The following NUTM1 variants were observed in gnomAD, a reference collection of about 807,000 sequenced individuals.
NUTM1 encodes NUT family member 1.
A neutral mutation model predicts 88.7 loss-of-function variants in NUTM1; 39 were observed. The ratio of observed to expected loss-of-function variants is 0.44; its 90% confidence interval spans 0.34 to 0.57. NUTM1 has a LOEUF of 0.57. Among genes scored for constraint, NUTM1 ranks in the 20% least tolerant of loss-of-function variants. The pLI is 0.01. For synonymous variants in NUTM1, 494 were observed against 538.0 expected (o/e 0.92, Z 1.13); for missense variants, 1,350 against 1,414.5 (o/e 0.95, Z 0.73).
chr15:34,356,118 C>A lies in NUTM1; in HGVS notation c.2110C>A (p.Pro704Thr), dbSNP rs150522550. 16 of 1,613,306 alleles carry A rather than the reference C, an allele frequency of 9.9e-6. No individual in the cohort carries two copies. The highest frequency in any genetic ancestry group is 2.7e-5 in the African/African-American group (2 of 74,888). The change falls in exon 8 of 8, where the codon CCT (proline) becomes ACT (threonine). Residue 704 changes from proline to threonine, a missense_variant. By Grantham distance (38) the Pro-to-Thr change is conservative. This residue lies in a region of NUTM1 where 730 missense variants were observed against 728.8 expected (regional missense o/e 1.00). Coordinates refer to ENST00000537011, the MANE Select transcript of NUTM1 (RefSeq NM_001284292.2). ...TGGAGTGCTTCCTCAAGGGAAGGAG[C>A]CTTTAGCAGTGCCCTGGGAAGGCTC... ...GRGVLPQGKE[P>T]LAVPWEGSSG...
At chr15:34,346,923 A>G (rs1890603490) in intron 2 of NUTM1, among the ~76,000 whole-genome samples, 1 of 137,388 alleles carries the variant, frequency 7.3e-6, no homozygotes, top group African/African-American at 2.6e-5. Flanking sequence ...ACTTAGAGGC[A>G]GTGATGGCTT....
intron 4 of NUTM1, among the ~76,000 whole-genome samples, chr15:34,352,158 G>A (rs913488196): frequency 6.6e-6 from 1 of 152,072 alleles, no homozygotes; most frequent in Admixed American, 6.5e-5. Context: ...CAACAAGAGC[G>A]AAACTCTGTC....
Position 34,348,304 on chromosome 15 carries a change from G to A in NUTM1, c.436G>A (p.Ala146Thr), listed in dbSNP as rs1487752135. 1 of 1,614,124 alleles carries A rather than the reference G, an allele frequency of 6.2e-7. No individual in the cohort carries two copies. Among genetic ancestry groups the A allele is most frequent in the Non-Finnish European group, 8.5e-7 (1 of 1,180,050 alleles). The part of the protein sequence containing the change: ...ILTQTALNST[A>T]PGTPCGGLEG... ...TACTCAGACTGCCCTCAATTCGACT[G>A]CCCCGGGCACTCCCTGTGGAGGCCT... The change falls in exon 3 of 8, where the codon GCC (alanine) becomes ACC (threonine). Residue 146 changes from alanine (A) to threonine (T), a missense_variant. Transcript: ENST00000537011.
rs762124769 is a variant in NUTM1 at position 34,356,790 on chromosome 15, C to T, written c.2782C>T (p.Pro928Ser). 5.0e-6 allele frequency: 8 copies of T among 1,611,792 alleles called. No homozygotes were observed. The East Asian group carries it at 1.1e-4, about 22-fold the overall frequency. Reference protein sequence around the residue: ...SFSPLLETIEPVNILDVKDDC... With the variant: ...SFSPLLETIESVNILDVKDDC... ...TTCTCCTCTGTTGGAAACCATAGAA[C>T]CTGTCAACATACTAGATGTTAAAGA... Residue 928 changes from proline (P) to serine (S), a missense_variant, in exon 8 of 8, where the codon CCT becomes TCT. Around this residue, in one of 5 missense-constraint regions of NUTM1, gnomAD observed 730 missense variants for 728.8 expected, o/e 1.00. Coordinates refer to ENST00000537011, the MANE Select transcript of NUTM1 (RefSeq NM_001284292.2).
chr15:34,356,434 C>T lies in NUTM1; in HGVS notation c.2426C>T (p.Thr809Met), dbSNP rs16959028. The T allele has an allele frequency of 1.5e-3, 2,395 of 1,610,314 alleles. 35 individuals are homozygous for T. In the East Asian group the frequency reaches 0.039, roughly 26 times the overall value. The change falls in exon 8 of 8, where the codon ACG becomes ATG. Residue 809 changes from threonine to methionine, a missense_variant. By Grantham distance (81) the Thr-to-Met change is moderately conservative. Around this residue, in one of 5 missense-constraint regions of NUTM1, gnomAD observed 730 missense variants for 728.8 expected, o/e 1.00. Coordinates refer to ENST00000537011, the MANE Select transcript of NUTM1 (RefSeq NM_001284292.2). ...GPGETLVPGD[T>M]ESSVIPCGGT... The stretch of plus-strand genomic sequence containing the variant: ...GGAGAAACCCTAGTACCTGGGGATA[C>T]GGAGAGCAGTGTGATTCCCTGTGGA...
In NUTM1 at chr15:34,354,812, C is replaced by T. The variant is rs552413974; in HGVS notation, c.1362+80C>T. The T allele has an allele frequency of 1.5e-3, 2,091 of 1,405,708 alleles. 17 individuals carry two copies. Among genetic ancestry groups the T allele is most frequent in the South Asian group, 4.4e-3 (376 of 84,562 alleles). The allele number at this position is 1,405,708 out of a possible 1,614,324, so 87.1% of individuals were successfully genotyped here. ...GGGAACTAATGATCTGGGGTTTGTC[C>T]AATGCAGTAGGACTTAGGTTTTATT... On this transcript the variant is annotated intron_variant, in intron 6 of 7. Coordinates refer to ENST00000537011, the MANE Select transcript of NUTM1 (RefSeq NM_001284292.2).
chr15:34,350,475 C>G (rs1890684293), intron 3 of NUTM1, among the ~76,000 whole-genome samples: 1 of 152,126 alleles, frequency 6.6e-6, no homozygotes, highest in African/African-American at 2.4e-5. Flanking sequence ...GAAGAATTGT[C>G]TGTTTGATTT....
rs1566890542 is a variant in NUTM1, at chr15:34,355,601, T to TG, written c.1597dup (p.Asp533GlyfsTer42). 1 of 1,613,978 alleles carries TG rather than the reference T, an allele frequency of 6.2e-7. No individual in the cohort carries two copies. Among genetic ancestry groups the TG allele is most frequent in the Admixed American group, 1.7e-5 (1 of 59,966 alleles). Reference sequence around the variant, plus strand: ...CTTCTGGTTCTGTTGAGGATGAAGATGGGGATGGGCGGCTTCGGCCCTCAC... The same window carrying TG: ...CTTCTGGTTCTGTTGAGGATGAAGATGGGGGATGGGCGGCTTCGGCCCTCAC... On this transcript the variant is annotated frameshift_variant, in exon 8 of 8. Transcript: ENST00000537011. LOFTEE classifies it high-confidence loss of function. This position sits in a 1 kb window ranked among gnomAD's most constrained non-coding sequence, Gnocchi z 4.3.
At position 34,355,467 on chromosome 15, in the gene NUTM1, CTATT is replaced by C. The variant is rs747772079; in HGVS notation, c.1480-19_1480-16del. 8.7e-6 allele frequency: 14 copies of C among 1,613,472 alleles called. No homozygotes were observed. Among genetic ancestry groups the C allele is most frequent in the Non-Finnish European group, 1.2e-5 (14 of 1,179,600 alleles). On this transcript the variant is annotated splice_polypyrimidine_tract_variant and intron_variant, in intron 7 of 7. Coordinates refer to ENST00000537011, the MANE Select transcript of NUTM1 (RefSeq NM_001284292.2). The surrounding 1 kb of genome is among the most constrained non-coding windows in gnomAD (Gnocchi z 4.3). ...CTTTCACAACCACGTATAGAACTGA[CTATT>C]TGTTCATTTCTTTCAGCTGGTCCAG...
At chr15:34,354,862 T>G in intron 6 of NUTM1, 130 bp downstream of exon 6, 1 of 1,040,436 alleles carries the variant, frequency 9.6e-7, no homozygotes, top group South Asian at 1.3e-5. Flanking sequence ...TGTGTGTGCA[T>G]GCATCATCAT....
chr15:34,345,813 C>T, intron 1 of NUTM1, 129 bp from the exon 2 acceptor site: 1 of 1,220,132 alleles, frequency 8.2e-7, no homozygotes, highest in Non-Finnish European at 1.1e-6. Flanking sequence ...GAATATCTGT[C>T]CCCACCCTCA....
intron 3 of NUTM1, among the ~76,000 whole-genome samples, 191 bp downstream of exon 3, chr15:34,348,868 C>T (rs1890658047): frequency 6.6e-6 from 1 of 152,038 alleles, no homozygotes; most frequent in South Asian, 2.1e-4. Flanking sequence ...TTTATAACAA[C>T]CTTTCAGGTG....
chr15:34,345,847 C>T (rs1227280944), intron 1 of NUTM1, 95 bp from the exon 2 acceptor site: 12 of 1,510,102 alleles, frequency 7.9e-6, no homozygotes, highest in Non-Finnish European at 8.9e-6. Flanking sequence ...TCTCCCCTCC[C>T]CCACAGCAGA....
intron 2 of NUTM1, among the ~76,000 whole-genome samples, chr15:34,346,881 TA>T (rs10671676): frequency 1.2e-4 from 4 of 34,324 alleles, no homozygotes; most frequent in South Asian, 2.4e-3. Context: ...AGACTCCATC[TA>T]AAAAAAAAAA....
intron 1 of NUTM1, 84 bp downstream of exon 1, chr15:34,343,786 A>C: frequency 8.0e-7 from 1 of 1,243,018 alleles, no homozygotes; most frequent in South Asian, 1.4e-5. Context: ...TCTCCTTATA[A>C]GACTCTCGTT....
chr15:34,350,909 T>C, intron 4 of NUTM1, 77 bp downstream of exon 4: 1 of 1,550,240 alleles, frequency 6.5e-7, no homozygotes, highest in Non-Finnish European at 8.9e-7. Context: ...GAGACTTGTG[T>C]GGGGGTGATT....
chr15:34,348,555 T>C lies in NUTM1; in HGVS notation c.687T>C (p.Gly229=). ...CCACTCTATCCAAGCCTTCCCTAGG[T>C]GACCGCTCCAAAATTTCCAAGGACG... ...PVATLSKPSL[G]DRSKISKDVY... is the part of the protein sequence containing the mutation. Residue 229 remains glycine (G), a synonymous_variant, in exon 3 of 8, where the codon GGT becomes GGC. Coordinates refer to ENST00000537011, the MANE Select transcript of NUTM1 (RefSeq NM_001284292.2). 1 of 1,614,014 alleles carries C rather than the reference T, an allele frequency of 6.2e-7. No homozygotes were observed. The highest frequency in any genetic ancestry group is 8.5e-7 in the Non-Finnish European group (1 of 1,180,034).
Position 34,355,106 on chromosome 15 carries a change from T to C in NUTM1, c.1448T>C (p.Leu483Pro). The stretch of plus-strand genomic sequence containing the variant: ...GATCCCTTGGCCTTAATTGAGGAGC[T>C]AGAGCAAGAAGAAGGACTCACTCTT... ...QRDPLALIEE[L>P]EQEEGLTLAQ... The change falls in exon 7 of 8, where the codon CTA becomes CCA. Residue 483 changes from leucine to proline, a missense_variant. Around this residue, in one of 5 missense-constraint regions of NUTM1, gnomAD observed 126 missense variants for 189.8 expected, o/e 0.66. Transcript: ENST00000537011. This position sits in a 1 kb window ranked among gnomAD's most constrained non-coding sequence, Gnocchi z 4.3. The C allele has an allele frequency of 6.2e-7, 1 of 1,613,182 alleles. No individual in the cohort carries two copies. Among genetic ancestry groups the C allele is most frequent in the Non-Finnish European group, 8.5e-7 (1 of 1,179,096 alleles).
Position 34,348,440 on chromosome 15 carries a change from C to T in NUTM1, c.572C>T (p.Pro191Leu). The change falls in exon 3 of 8, where the codon CCA becomes CTA. Residue 191 changes from proline to leucine, a missense_variant. Pro to Leu is a moderately conservative substitution (Grantham distance 98). Transcript: ENST00000537011. The stretch of plus-strand genomic sequence containing the variant: ...CCTCCAGGCCTTCCGCCTCAGCCTC[C>T]ACCACCAGTTGCTCAACTGGTCCCC... ...EGPPGLPPQP[P>L]PPVAQLVPIV... The T allele has an allele frequency of 6.2e-7, 1 of 1,614,166 alleles. No individual in the cohort carries two copies. Among genetic ancestry groups the T allele is most frequent in the Non-Finnish European group, 8.5e-7 (1 of 1,179,978 alleles).
Sources: allele counts gnomAD v4.1 joint callset (sites outside exome capture counted in the v4.1 genomes callset), GRCh38; gene constraint gnomAD v4.1.1; regional missense constraint gnomAD v4.1.1; non-coding constraint Gnocchi (gnomAD v3.1); transcripts MANE v1.5; gene names NCBI Gene and HGNC (gene_info 2026-07-23, HGNC 2026-07-21).